Variants in ZNF83 observed in about 807,000 individuals in gnomAD.
The protein encoded by ZNF83 is zinc finger protein 83.
For synonymous variants in ZNF83, 209 were observed against 213.0 expected, an observed-to-expected ratio of 0.98 and a Z score of 0.17; for missense variants, 552 against 629.9, an observed-to-expected ratio of 0.88 and a Z score of 1.32.
At position 52,683,228 on chromosome 19, in the gene ZNF83, C is replaced by G. The variant is rs113703418; in HGVS notation, c.-283+7215G>C. 2.2e-3 allele frequency among the ~76,000 whole-genome samples: 285 copies of G among 127,926 alleles called. 8 individuals are homozygous for G. Among genetic ancestry groups the G allele is most frequent in the Middle Eastern group, 3.9e-3 (1 of 256 alleles). The allele number at this position is 127,926 out of a possible 152,430, so 83.9% of individuals were successfully genotyped here. A position where few individuals can be genotyped will look rare whatever the true frequency, so the allele number is the denominator to read the frequency against. Reference sequence around the variant, plus strand: ...TCAGCTCCTCAGCTGCCCTGTGACTCTGTGTGTGTGTGTGTGTGTGTGTGT... The same window carrying G: ...TCAGCTCCTCAGCTGCCCTGTGACTGTGTGTGTGTGTGTGTGTGTGTGTGT... On this transcript the variant is annotated intron_variant, in intron 1 of 5. Coordinates refer to the ZNF83 transcript ENST00000594682.
At chr19:52,684,719 C>T (rs536321282) in intron 1 of ZNF83, among the ~76,000 whole-genome samples, 1 of 151,992 alleles carries the variant, frequency 6.6e-6, no homozygotes. Flanking sequence ...GAGAAAGGGA[C>T]AATGCAGTGA....
chr19:52,616,055 C>G (rs530314213), intron 2 of ZNF83, among the ~76,000 whole-genome samples: 1 of 152,214 alleles, frequency 6.6e-6, no homozygotes, highest in Non-Finnish European at 1.5e-5. Flanking sequence ...CCAGGCTGGT[C>G]TCGAACTCCT....
intron 2 of ZNF83, among the ~76,000 whole-genome samples, chr19:52,631,136 G>T (rs200391799): frequency 7.3e-6 from 1 of 137,868 alleles, no homozygotes; most frequent in Non-Finnish European, 1.6e-5. Context: ...CTGTACTGCC[G>T]CAAGGCTTCA....
intron 1 of ZNF83, among the ~76,000 whole-genome samples, chr19:52,685,993 C>G (rs948190684): frequency 1.3e-5 from 2 of 151,820 alleles, no homozygotes; most frequent in African/African-American, 4.8e-5. Context: ...TGTCCAAACG[C>G]ACCAGAGGGC....
Position 52,655,965 on chromosome 19 carries a change from G to A in ZNF83, c.-200-278C>T, listed in dbSNP as rs148971678. Among the ~76,000 whole-genome samples the A allele has an allele frequency of 1.8e-4, 28 of 151,964 alleles. No individual in the cohort carries two copies. In the East Asian group the frequency reaches 4.5e-3, roughly 24 times the overall value. On this transcript the variant is annotated intron_variant, in intron 2 of 5. Transcript: ENST00000594682. Reference sequence around the variant, plus strand: ...GTGGCTCACACCTGAAATCCCAGCAGTTTGGGAGGCTGAGGTGGGTGTATC... The same window carrying A: ...GTGGCTCACACCTGAAATCCCAGCAATTTGGGAGGCTGAGGTGGGTGTATC...
intron 1 of ZNF83, among the ~76,000 whole-genome samples, chr19:52,667,585 T>A (rs1025309913): frequency 2.0e-5 from 3 of 152,286 alleles, no homozygotes; most frequent in Admixed American, 1.3e-4. Flanking sequence ...ATTAAAAAAA[T>A]TTGTTTTAAA....
chr19:52,637,457 G>C (rs1318551504), intron 1 of ZNF83, among the ~76,000 whole-genome samples: 1 of 151,950 alleles, frequency 6.6e-6, no homozygotes, highest in East Asian at 1.9e-4. Context: ...TCCCTACCTT[G>C]CTGTCCTTCA....
intron 2 of ZNF83, among the ~76,000 whole-genome samples, chr19:52,626,981 CCT>C (rs1270284055): frequency 3.3e-5 from 5 of 152,158 alleles, no homozygotes; most frequent in East Asian, 1.9e-4. Flanking sequence ...ACAGCCAGCC[CCT>C]GTCTTAACTG....
In ZNF83 at chr19:52,613,446, A is replaced by C; in HGVS notation, c.1119T>G (p.Tyr373Ter). The stretch of plus-strand genomic sequence containing the variant: ...ATGCTTTGTCACATTCATCACACTT[A>C]TAAGGTTTCTCACCGGCATGAATTA... Residue 373 changes from tyrosine (Y) to a stop codon, truncating the protein, a stop_gained, in exon 3 of 3, where the codon TAT (tyrosine) becomes TAG (stop). Coordinates refer to ENST00000301096, the Ensembl canonical transcript of ZNF83. LOFTEE classifies it low-confidence loss of function (END_TRUNC). 1 of 1,613,796 alleles carries C rather than the reference A, an allele frequency of 6.2e-7. No individual in the cohort carries two copies. The highest frequency in any genetic ancestry group is 8.5e-7 in the Non-Finnish European group (1 of 1,179,944).
chr19:52,655,289 A>G (rs181333485), intron 3 of ZNF83: 2 of 326,970 alleles, frequency 6.1e-6, no homozygotes, highest in Non-Finnish European at 1.1e-5. Context: ...AATTCTGCTC[A>G]GGGCTACCAG....
At chr19:52,625,973 C>G (rs1322994110) in intron 2 of ZNF83, among the ~76,000 whole-genome samples, 1 of 152,136 alleles carries the variant, frequency 6.6e-6, no homozygotes, top group Non-Finnish European at 1.5e-5. Context: ...TGCAAAAGGC[C>G]TCTTCTTCTG....
intron 3 of ZNF83, chr19:52,655,510 C>T: frequency 7.1e-7 from 1 of 1,418,132 alleles, no homozygotes; most frequent in Non-Finnish European, 9.8e-7. Context: ...CCAGGAAGAG[C>T]CAAGATAGAC....
intron 3 of ZNF83, chr19:52,654,242 G>C: frequency 6.3e-7 from 1 of 1,575,218 alleles, no homozygotes; most frequent in South Asian, 1.1e-5. Context: ...TTAATTTCTT[G>C]CCACTGAAAC....
chr19:52,643,944 A>G (rs766083832), intron 3 of ZNF83, among the ~76,000 whole-genome samples: 1 of 152,190 alleles, frequency 6.6e-6, no homozygotes, highest in African/African-American at 2.4e-5. Flanking sequence ...TAGTCATGAG[A>G]TGAGGGCAAG....
intron 1 of ZNF83, among the ~76,000 whole-genome samples, chr19:52,683,425 C>G (rs1037423196): frequency 2.0e-5 from 3 of 151,698 alleles, no homozygotes; most frequent in Non-Finnish European, 2.9e-5. Context: ...AGTCACGGAG[C>G]CTCCAGCTCC....
Position 52,614,808 on chromosome 19 carries a change from T to A in ZNF83, c.-233-11A>T. 1 of 1,274,832 alleles carries A rather than the reference T, an allele frequency of 7.8e-7. No individual in the cohort carries two copies. The highest frequency in any genetic ancestry group is 1.0e-6 in the Non-Finnish European group (1 of 1,003,254). The allele number at this position is 1,274,832 out of a possible 1,614,324, so 79.0% of individuals were successfully genotyped here. A position where few individuals can be genotyped will look rare whatever the true frequency, so the allele number is the denominator to read the frequency against. The stretch of plus-strand genomic sequence containing the variant: ...ATTTAGAAAAAATACCTACAAGATA[T>A]AAGGATCCCACAGTTTCCAATTAAT... On this transcript the variant is annotated splice_polypyrimidine_tract_variant and intron_variant, in intron 2 of 2. Transcript: ENST00000301096.
At chr19:52,631,054 TTCATC>T (rs1489719326) in intron 2 of ZNF83, among the ~76,000 whole-genome samples, 1 of 147,536 alleles carries the variant, frequency 6.8e-6, no homozygotes, top group East Asian at 2.0e-4. Flanking sequence ...CTTTGCACCC[TTCATC>T]CCAGCCTCTC....
chr19:52,630,642 C>T (rs962220602), intron 2 of ZNF83, among the ~76,000 whole-genome samples: 7 of 152,070 alleles, frequency 4.6e-5, no homozygotes, highest in African/African-American at 1.4e-4. Context: ...ATCCTCCTCT[C>T]GTATCCCCCC....
chr19:52,666,680 T>C (rs1269332943), intron 1 of ZNF83, among the ~76,000 whole-genome samples: 1 of 148,098 alleles, frequency 6.8e-6, no homozygotes, highest in East Asian at 2.0e-4. Flanking sequence ...TCTTCAAGTA[T>C]GAGGCTATTC....
Sources: gnomAD v4.1 joint callset for allele counts (sites outside exome capture counted in the v4.1 genomes callset) on GRCh38, gnomAD v4.1.1 for gene constraint, MANE v1.5 for transcripts, NCBI Gene and HGNC (gene_info 2026-07-23, HGNC 2026-07-21) for gene names.